The following PRDM16 variants were observed in gnomAD, a reference collection of about 807,000 sequenced individuals.
PRDM16 encodes the protein PR/SET domain 16.
In PRDM16, 23 loss-of-function variants were observed where a neutral mutation model predicts 110.6. The observed-to-expected ratio is 0.21, with a 90% CI of 0.15 to 0.29. The LOEUF (loss-of-function observed/expected upper bound fraction) is 0.29. Among genes scored for constraint, PRDM16 ranks in the 10% least tolerant of loss-of-function variants. PRDM16 has a pLI of 1.00. For missense variants in PRDM16, 1,615 were observed against 1,794.3 expected (o/e 0.90, Z 1.81); for synonymous variants, 799 against 781.8 (o/e 1.02, Z -0.37).
chr1:3,164,567 C>T (rs192741939), intron 1 of PRDM16, among the ~76,000 whole-genome samples: 16 of 152,320 alleles, frequency 1.1e-4, no homozygotes, highest in African/African-American at 2.9e-4. Flanking sequence ...CATTGCTGAG[C>T]GGACAGAAAA....
chr1:3,187,616 G>A (rs1187803499), intron 2 of PRDM16, among the ~76,000 whole-genome samples: 1 of 152,146 alleles, frequency 6.6e-6, no homozygotes, highest in Non-Finnish European at 1.5e-5. Flanking sequence ...AGAGCCCTTT[G>A]TAAGAACACC....
intron 3 of PRDM16, among the ~76,000 whole-genome samples, chr1:3,364,506 C>T (rs1642774679): frequency 6.6e-6 from 1 of 152,210 alleles, no homozygotes; most frequent in Non-Finnish European, 1.5e-5. Flanking sequence ...CTCTTCCATT[C>T]CAACCCAGGC....
chr1:3,118,031 T>C (rs1342737273), intron 1 of PRDM16, among the ~76,000 whole-genome samples: 1 of 150,920 alleles, frequency 6.6e-6, no homozygotes, highest in Non-Finnish European at 1.5e-5. Flanking sequence ...TGTACATGCA[T>C]GTGTGTGTGC....
rs148176158 is a variant in PRDM16, at chr1:3,275,951, C to T, written c.438+31814C>T. 5.8e-3 allele frequency among the ~76,000 whole-genome samples: 888 copies of T among 152,346 alleles called. 5 individuals are homozygous for T. The highest frequency in any genetic ancestry group is 8.1e-3 in the Non-Finnish European group (554 of 68,042). On this transcript the variant is annotated intron_variant, in intron 3 of 16. Coordinates refer to ENST00000270722, the MANE Select transcript of PRDM16 (RefSeq NM_022114.4). ...TCCCTTTCTCTGTGACCCAGCTGCG[C>T]CCTGTGGGTCTGTGCACTCCAGCAC...
rs1313340741 is a variant in PRDM16 at position 3,114,221 on chromosome 1, A to ACG, written c.37+44926_37+44927insGC. Among the ~76,000 whole-genome samples the ACG allele has an allele frequency of 6.6e-3, 920 of 138,522 alleles. 6 individuals carry two copies. The highest frequency in any genetic ancestry group is 0.024 in the African/African-American group (836 of 34,956). 90.9% of individuals were successfully genotyped at this position (138,522 alleles called of 152,430 possible). On this transcript the variant is annotated intron_variant, in intron 1 of 16. Transcript: ENST00000270722. ...CACGCACGCACACACGCACACGAAC[A>ACG]CACACGCACACACGCAGTGTAAACA...
At chr1:3,385,704 C>T (rs2100607104) in intron 4 of PRDM16, among the ~76,000 whole-genome samples, 1 of 152,372 alleles carries the variant, frequency 6.6e-6, no homozygotes, top group Non-Finnish European at 1.5e-5. Flanking sequence ...ACCAAATTTT[C>T]CGAAGAGTCC....
In PRDM16 at chr1:3,157,905, T is replaced by C. The variant is rs1643870900; in HGVS notation, c.38-28220T>C. Among the ~76,000 whole-genome samples the C allele has an allele frequency of 2.0e-5, 3 of 152,174 alleles. No homozygotes were observed. In the South Asian group the frequency reaches 6.2e-4, roughly 32 times the overall value. The stretch of plus-strand genomic sequence containing the variant: ...ATGCCATCTTCCTCCCACTTAAACC[T>C]CTCTTTTGACAGAGGACAGATATAT... On this transcript the variant is annotated intron_variant, in intron 1 of 16. Transcript: ENST00000270722. The surrounding 1 kb of genome is among the most constrained non-coding windows in gnomAD (Gnocchi z 4.8).
chr1:3,429,593 A>G (rs1638710322), intron 14 of PRDM16, among the ~76,000 whole-genome samples: 1 of 152,192 alleles, frequency 6.6e-6, no homozygotes, highest in South Asian at 2.1e-4. Flanking sequence ...ACCCCACCCG[A>G]GGGCACCTCA....
chr1:3,114,184 C>CGCGT (rs1557455892), intron 1 of PRDM16, among the ~76,000 whole-genome samples: 5 of 117,868 alleles, frequency 4.2e-5, no homozygotes, highest in South Asian at 2.9e-4. Flanking sequence ...CGCACACACA[C>CGCGT]GCACACACGC....
At chr1:3,361,346 A>G (rs1642709975) in intron 3 of PRDM16, among the ~76,000 whole-genome samples, 1 of 152,218 alleles carries the variant, frequency 6.6e-6, no homozygotes, top group South Asian at 2.1e-4. Flanking sequence ...ACCCAGAGCC[A>G]CACTGAGCAC....
At chr1:3,323,385 G>C (rs909216064) in intron 3 of PRDM16, among the ~76,000 whole-genome samples, 1 of 152,242 alleles carries the variant, frequency 6.6e-6, no homozygotes, top group African/African-American at 2.4e-5. Context: ...TCTCACCTCC[G>C]CAGTGTGTGC....
At chr1:3,218,716 G>A (rs1050957167) in intron 2 of PRDM16, among the ~76,000 whole-genome samples, 2 of 152,166 alleles carry the variant, frequency 1.3e-5, no homozygotes, top group Non-Finnish European at 1.5e-5. Context: ...CCACGAGCTG[G>A]GGTCTTTTCT....
rs757917553 is a variant in PRDM16, at chr1:3,417,860, G to C, written c.2724G>C (p.Leu908=). ...CCATAGAGACCATGACAGAGAAGCT[G>C]GAGAGCTTTGCAGCCATGAAGGCGG... ...MSAIETMTEK[L]ESFAAMKADS... is the part of the protein sequence containing the mutation. The change falls in exon 11 of 17, where the codon CTG becomes CTC. Residue 908 remains leucine, a synonymous_variant. Transcript: ENST00000270722. 7.4e-6 allele frequency: 12 copies of C among 1,613,692 alleles called. No individual in the cohort carries two copies. The African/African-American group carries it at 1.1e-4, about 14-fold the overall frequency.
chr1:3,423,133 G>C (rs187363975), intron 12 of PRDM16, among the ~76,000 whole-genome samples: 1 of 152,224 alleles, frequency 6.6e-6, no homozygotes, highest in African/African-American at 2.4e-5. Context: ...TTGCTGGGAC[G>C]AAGTGGGATG....
At chr1:3,412,879 G>A (rs1374792953) in intron 9 of PRDM16, 79 bp downstream of exon 9, 2 of 1,210,938 alleles carry the variant, frequency 1.7e-6, no homozygotes, top group Middle Eastern at 2.4e-4. Flanking sequence ...GCATGGTGGT[G>A]TCTCTTTCAA....
chr1:3,115,309 T>A (rs1642930923), intron 1 of PRDM16, among the ~76,000 whole-genome samples: 1 of 152,138 alleles, frequency 6.6e-6, no homozygotes, highest in Non-Finnish European at 1.5e-5. Flanking sequence ...GCTGTGAGAA[T>A]GTGGTGGCCC....
chr1:3,380,285 G>A (rs929427369), intron 3 of PRDM16, among the ~76,000 whole-genome samples: 1 of 151,952 alleles, frequency 6.6e-6, no homozygotes, highest in Non-Finnish European at 1.5e-5. Flanking sequence ...TGGAAGGAAG[G>A]AGTTAACCAA....
intron 2 of PRDM16, among the ~76,000 whole-genome samples, chr1:3,200,729 A>G (rs1000861676): frequency 6.7e-6 from 1 of 150,140 alleles, no homozygotes; most frequent in Non-Finnish European, 1.5e-5. Context: ...CCTCCTGGAA[A>G]TGCAGAGAGT....
chr1:3,240,234 A>G (rs188049898), intron 2 of PRDM16, among the ~76,000 whole-genome samples: 1 of 152,032 alleles, frequency 6.6e-6, no homozygotes, highest in Admixed American at 6.5e-5. Flanking sequence ...TGGGCAACAT[A>G]GTGAGACCCC....
Sources: gnomAD v4.1 joint callset for allele counts (sites outside exome capture counted in the v4.1 genomes callset) on GRCh38, gnomAD v4.1.1 for gene constraint, Gnocchi (gnomAD v3.1) non-coding constraint, MANE v1.5 for transcripts, NCBI Gene and HGNC (gene_info 2026-07-23, HGNC 2026-07-21) for gene names.